Variants in CCDC171 observed in about 807,000 individuals in gnomAD.
CCDC171 encodes coiled-coil domain-containing protein 171.
CCDC171 carries 177 observed loss-of-function variants against 168.2 expected under a neutral mutation model. The ratio of observed to expected loss-of-function variants is 1.05; its 90% confidence interval spans 0.93 to 1.19. The LOEUF (loss-of-function observed/expected upper bound fraction) is 1.19, where lower values mean the gene tolerates loss of function less well. Ranked by LOEUF, CCDC171 falls within the 50% of genes most tolerant of loss-of-function variation. CCDC171 has a pLI of 0.00. For synonymous variants in CCDC171, 687 were observed against 540.8 expected (o/e 1.27, Z -3.75); for missense variants, 1,991 against 1,539.0 (o/e 1.29, Z -4.91).
At chr9:16,077,040 C>T in the CCDC171 span, among the ~76,000 whole-genome samples, 2 of 152,174 alleles carry the variant, frequency 1.3e-5, no homozygotes, top group African/African-American at 4.8e-5. Context: ...AATAATGCAA[C>T]AGGCAGGCAA....
intron 8 of CCDC171, among the ~76,000 whole-genome samples, chr9:15,660,862 A>C (rs2048261630): frequency 6.6e-6 from 1 of 152,228 alleles, no homozygotes. Flanking sequence ...TTGCTGGATC[A>C]AATGGTAGTT....
intron 18 of CCDC171, among the ~76,000 whole-genome samples, chr9:15,765,670 A>G (rs1391040664): frequency 1.3e-5 from 2 of 152,204 alleles, no homozygotes; most frequent in African/African-American, 4.8e-5. Context: ...AAAATGAGAA[A>G]TAGTCATTCA....
chr9:15,755,309 A>G (rs375600471), intron 18 of CCDC171, among the ~76,000 whole-genome samples: 64 of 152,312 alleles, frequency 4.2e-4, no homozygotes, highest in African/African-American at 1.4e-3. Flanking sequence ...ATGTGAAGGC[A>G]TTCGTACATT....
chr9:15,678,869 C>T lies in CCDC171; in HGVS notation c.1188C>T (p.Cys396=), dbSNP rs1369078252. The change falls in exon 10 of 26, where the codon TGC becomes TGT. Residue 396 remains cysteine (C), a synonymous_variant. Transcript: ENST00000380701. ...SKRLQYNEKS[C]SELQEELVMA... is the part of the protein sequence containing the mutation. ...GACTCCAGTATAATGAAAAAAGTTGCAGTGAATTACAGGAAGAACTAGTAA... is the reference window on the plus strand; with the variant it reads ...GACTCCAGTATAATGAAAAAAGTTGTAGTGAATTACAGGAAGAACTAGTAA... 2.5e-6 allele frequency: 4 copies of T among 1,586,248 alleles called. No individual in the cohort carries two copies. Among genetic ancestry groups the T allele is most frequent in the South Asian group, 1.2e-5 (1 of 84,122 alleles).
At chr9:15,669,132 T>C (rs986441090) in intron 9 of CCDC171, among the ~76,000 whole-genome samples, 5 of 152,134 alleles carry the variant, frequency 3.3e-5, no homozygotes, top group Admixed American at 6.6e-5. Context: ...AAAAGCTGTG[T>C]GTATATTGCA....
intron 24 of CCDC171, among the ~76,000 whole-genome samples, chr9:15,879,193 A>AAC (rs1563925737): frequency 9.9e-5 from 15 of 151,760 alleles, no homozygotes; most frequent in Non-Finnish European, 1.8e-4. Context: ...TATATTCTTC[A>AAC]AGTTATTTTT....
rs184333297 is a variant in CCDC171 at position 15,721,373 on chromosome 9, G to T, written c.1319-396G>T. Among the ~76,000 whole-genome samples, 217 of 151,678 alleles carry T rather than the reference G, an allele frequency of 1.4e-3. 1 individual carries two copies. The Middle Eastern group carries it at 0.041, about 29-fold the overall frequency. On this transcript the variant is annotated intron_variant, in intron 11 of 25. Transcript: ENST00000380701. The stretch of plus-strand genomic sequence containing the variant: ...AGTGTACATAACTCCCCCAAACAAT[G>T]GTAATGTATACTTCATTTAGTTGTT...
the CCDC171 span, among the ~76,000 whole-genome samples, chr9:16,081,912 C>G: frequency 3.3e-5 from 5 of 151,780 alleles, no homozygotes; most frequent in African/African-American, 1.2e-4. Context: ...CTCTTCTCCA[C>G]TGATCTAATA....
the CCDC171 span, among the ~76,000 whole-genome samples, chr9:16,093,383 G>T: frequency 6.6e-6 from 1 of 152,254 alleles, no homozygotes; most frequent in South Asian, 2.1e-4. Context: ...GGAGTAGGGG[G>T]CGGTGCTCTC....
intron 18 of CCDC171, among the ~76,000 whole-genome samples, chr9:15,766,176 A>G (rs2056711672): frequency 6.6e-6 from 1 of 152,136 alleles, no homozygotes. Flanking sequence ...TGTCACCTCC[A>G]TGGGACTTGG....
intron 6 of CCDC171, among the ~76,000 whole-genome samples, chr9:15,610,555 G>T (rs573563686): frequency 6.7e-6 from 1 of 149,730 alleles, no homozygotes; most frequent in South Asian, 2.1e-4. Context: ...TTGAACCTGG[G>T]AGGCGGAGGT....
chr9:15,801,134 T>C (rs2058802090), intron 21 of CCDC171, among the ~76,000 whole-genome samples: 1 of 152,078 alleles, frequency 6.6e-6, no homozygotes, highest in Non-Finnish European at 1.5e-5. Context: ...ATTTTTTTTT[T>C]CTATTTGTAT....
At chr9:16,047,004 C>T (rs1833672697) in intron 1 of CCDC171, among the ~76,000 whole-genome samples, 1 of 152,210 alleles carries the variant, frequency 6.6e-6, no homozygotes, top group African/African-American at 2.4e-5. Flanking sequence ...TCTTCTCCTA[C>T]TGCTTTCTAG....
At chr9:15,881,657 C>T (rs1398127470) in intron 24 of CCDC171, among the ~76,000 whole-genome samples, 1 of 152,136 alleles carries the variant, frequency 6.6e-6, no homozygotes, top group African/African-American at 2.4e-5. Flanking sequence ...CTCTGGTAAC[C>T]ACCAATCTAT....
chr9:15,627,141 T>C (rs144426710), intron 7 of CCDC171, among the ~76,000 whole-genome samples: 241 of 152,344 alleles, frequency 1.6e-3, no homozygotes, highest in African/African-American at 5.5e-3. Context: ...TAGTTTGTAT[T>C]TCCGTGGGAT....
intron 7 of CCDC171, among the ~76,000 whole-genome samples, chr9:15,652,840 T>G (rs951719493): frequency 3.3e-5 from 5 of 152,238 alleles, no homozygotes; most frequent in African/African-American, 1.2e-4. Flanking sequence ...TGATAAGTCT[T>G]TAGTAAAGAA....
the CCDC171 span, among the ~76,000 whole-genome samples, chr9:16,103,684 G>A: frequency 6.6e-6 from 1 of 152,296 alleles, no homozygotes; most frequent in South Asian, 2.1e-4. Flanking sequence ...TCAGCAAGGG[G>A]CATGCTGGGA....
At chr9:15,673,250 G>A (rs1196272249) in intron 9 of CCDC171, among the ~76,000 whole-genome samples, 1 of 152,144 alleles carries the variant, frequency 6.6e-6, no homozygotes, top group Non-Finnish European at 1.5e-5. Flanking sequence ...GGAGATTTTG[G>A]GCTGAGATGA....
chr9:15,943,333 CT>C (rs1201661299), intron 25 of CCDC171, among the ~76,000 whole-genome samples: 2 of 151,960 alleles, frequency 1.3e-5, no homozygotes, highest in African/African-American at 4.8e-5. Flanking sequence ...TGATTTAGAA[CT>C]TATGAGACAC....
Sources: allele counts gnomAD v4.1 joint callset (sites outside exome capture counted in the v4.1 genomes callset), GRCh38; gene constraint gnomAD v4.1.1; transcripts MANE v1.5; gene names NCBI Gene and HGNC (gene_info 2026-07-23, HGNC 2026-07-21).